Variants in SIK3 observed in about 807,000 individuals in gnomAD.
SIK3 encodes the protein serine/threonine-protein kinase SIK3.
Under a neutral mutation model 144.2 loss-of-function variants are expected in SIK3, and 28 were observed. The observed-to-expected ratio is 0.19, with a 90% CI of 0.14 to 0.27. The LOEUF is 0.27. Ranked by LOEUF, SIK3 falls within the 10% of genes least tolerant of loss-of-function variation. SIK3 has a pLI of 1.00. For missense variants in SIK3, 1,319 were observed against 1,776.0 expected (o/e 0.74, Z 4.62); for synonymous variants, 686 against 676.3 (o/e 1.01, Z -0.22).
rs143120617 is a variant in SIK3, at chr11:116,846,722, C to T, written c.3953-169G>A. On this transcript the variant is annotated intron_variant, in intron 23 of 24. Coordinates refer to ENST00000445177, the MANE Select transcript of SIK3 (RefSeq NM_001366686.3). The surrounding 1 kb of genome is among the most constrained non-coding windows in gnomAD (Gnocchi z 4.1). ...CCTCAAGGTGTTGAGTGACGATGGGCGGGGGCCAAGATTCTTCCTATATTC... is the reference window on the plus strand; with the variant it reads ...CCTCAAGGTGTTGAGTGACGATGGGTGGGGGCCAAGATTCTTCCTATATTC... 2.6e-3 allele frequency among the ~76,000 whole-genome samples: 402 copies of T among 152,232 alleles called. 5 individuals are homozygous for T. The East Asian group carries it at 0.035, about 13-fold the overall frequency.
rs138311205 is a variant in SIK3 at position 117,075,260 on chromosome 11, G to T, written c.273+22883C>A. Among the ~76,000 whole-genome samples the T allele has an allele frequency of 1.1e-3, 166 of 152,230 alleles. 3 individuals are homozygous for T. In the East Asian group the frequency reaches 0.031, roughly 28 times the overall value. Reference sequence around the variant, plus strand: ...ACTCTTCTTTAGCTTTTATGATTTTGAACCTAATAGTTCCCTAAATGGGGT... The same window carrying T: ...ACTCTTCTTTAGCTTTTATGATTTTTAACCTAATAGTTCCCTAAATGGGGT... On this transcript the variant is annotated intron_variant, in intron 1 of 24. Transcript: ENST00000445177.
chr11:116,929,798 A>G (rs1947497849), intron 3 of SIK3, among the ~76,000 whole-genome samples: 1 of 152,242 alleles, frequency 6.6e-6, no homozygotes, highest in Non-Finnish European at 1.5e-5. Context: ...GACATTTTTG[A>G]AAAGGTCCAC....
rs187690110 is a variant in SIK3, at chr11:117,050,013, G to A, written c.273+48130C>T. ...AGTATAATTATATAAGATAGCAGCC[G>A]GGCACAGTGGCTCACGCCTGTAATC... On this transcript the variant is annotated intron_variant, in intron 1 of 24. Transcript: ENST00000445177. Among the ~76,000 whole-genome samples the A allele has an allele frequency of 2.2e-4, 33 of 151,946 alleles. 1 individual carries two copies. The highest frequency in any genetic ancestry group is 1.8e-3 in the Admixed American group (27 of 15,268).
At position 117,034,412 on chromosome 11, in the gene SIK3, A is replaced by G. The variant is rs1043152167; in HGVS notation, c.273+63731T>C. Among the ~76,000 whole-genome samples, 4 of 152,228 alleles carry G rather than the reference A, an allele frequency of 2.6e-5. No homozygotes were observed. In the East Asian group the frequency reaches 5.8e-4, roughly 22 times the overall value. On this transcript the variant is annotated intron_variant, in intron 1 of 24. Coordinates refer to ENST00000445177, the MANE Select transcript of SIK3 (RefSeq NM_001366686.3). ...CTAAAGATCTCAAATTTTCTCAGTG[A>G]CATGCAAGTAAATGAAAGTAAAGAT...
chr11:116,848,274 G>A (rs1250307807), intron 22 of SIK3, among the ~76,000 whole-genome samples: 1 of 152,220 alleles, frequency 6.6e-6, no homozygotes, highest in Non-Finnish European at 1.5e-5. Context: ...GTGAACCCGG[G>A]AGGCGGAGCT....
chr11:117,046,984 CAG>C (rs1952996218), intron 1 of SIK3, among the ~76,000 whole-genome samples: 1 of 152,166 alleles, frequency 6.6e-6, no homozygotes, highest in Non-Finnish European at 1.5e-5. Context: ...AAAACTGTAA[CAG>C]AATCTTTTTT....
chr11:117,023,618 AAAAATAT>A (rs1395573875), intron 1 of SIK3, among the ~76,000 whole-genome samples: 21 of 115,862 alleles, frequency 1.8e-4, no homozygotes, highest in African/African-American at 6.7e-4. Context: ...ACAAAAAAAA[AAAAATAT>A]ATATATATAT....
chr11:116,844,463 A>T lies in SIK3; in HGVS notation c.*1180T>A, dbSNP rs1000714136. 1.3e-5 allele frequency: 2 copies of T among 150,762 alleles called. No individual in the cohort carries two copies. The highest frequency in any genetic ancestry group is 4.9e-5 in the African/African-American group (2 of 41,128). The allele number at this position is 150,762 out of a possible 1,614,324, so 9.3% of individuals were successfully genotyped here. A position where few individuals can be genotyped will look rare whatever the true frequency, so the allele number is the denominator to read the frequency against. Reference sequence around the variant, plus strand: ...ACCAAAAACAATTTCTACATGATCAAGAATTAAAATATAGGGGCTGAGGGT... The same window carrying T: ...ACCAAAAACAATTTCTACATGATCATGAATTAAAATATAGGGGCTGAGGGT... On this transcript the variant is annotated 3_prime_UTR_variant, in exon 25 of 25. Coordinates refer to ENST00000445177, the MANE Select transcript of SIK3 (RefSeq NM_001366686.3).
chr11:116,857,753 T>C (rs893583384), intron 21 of SIK3, 57 bp downstream of exon 21: 1 of 1,573,456 alleles, frequency 6.4e-7, no homozygotes, highest in Non-Finnish European at 8.6e-7. Flanking sequence ...ATAACATTAC[T>C]GAGTCAGTTG....
intron 1 of SIK3, among the ~76,000 whole-genome samples, chr11:116,985,830 A>G (rs970383046): frequency 1.3e-5 from 2 of 152,246 alleles, no homozygotes; most frequent in African/African-American, 2.4e-5. Context: ...AATAAATAGA[A>G]TAATTACAAA....
intron 4 of SIK3, chr11:116,904,670 T>C (rs1210935719): frequency 6.6e-6 from 1 of 152,238 alleles, no homozygotes; most frequent in Non-Finnish European, 1.5e-5. Flanking sequence ...ATTCTTAATG[T>C]CTCTTTTATA....
Position 116,923,246 on chromosome 11 carries a change from AC to A in SIK3, c.616+3972del, listed in dbSNP as rs566436232. ...TAACTTCTTAAAATAAAACCAAAAA[AC>A]CCTTTTTCTCTCTTGCATGTTTCTT... On this transcript the variant is annotated intron_variant, in intron 4 of 24. Coordinates refer to ENST00000445177, the MANE Select transcript of SIK3 (RefSeq NM_001366686.3). Among the ~76,000 whole-genome samples, 9 of 151,344 alleles carry A rather than the reference AC, an allele frequency of 5.9e-5. No individual in the cohort carries two copies. In the East Asian group the frequency reaches 1.7e-3, roughly 29 times the overall value.
At chr11:117,064,817 AT>A (rs1362566299) in intron 1 of SIK3, among the ~76,000 whole-genome samples, 1 of 152,180 alleles carries the variant, frequency 6.6e-6, no homozygotes, top group African/African-American at 2.4e-5. Context: ...AATTGCTAAA[AT>A]TCTCGTGTTA....
chr11:116,985,016 GA>G (rs1028500299), intron 1 of SIK3, among the ~76,000 whole-genome samples: 1 of 152,164 alleles, frequency 6.6e-6, no homozygotes, highest in Non-Finnish European at 1.5e-5. Context: ...TTCTATGTGT[GA>G]AAAGAGTCTG....
chr11:116,963,126 G>A lies in SIK3; in HGVS notation c.274-6062C>T, dbSNP rs76947921. On this transcript the variant is annotated intron_variant, in intron 1 of 24. Transcript: ENST00000445177. ...TCTCAATGCTCAAACATTGCCTTGG[G>A]AGAAAATCTCAAATAAGGTCTCAAA... is the stretch of plus-strand genomic sequence containing the variant. Among the ~76,000 whole-genome samples, 13 of 152,276 alleles carry A rather than the reference G, an allele frequency of 8.5e-5. No individual in the cohort carries two copies. The East Asian group carries it at 2.3e-3, about 27-fold the overall frequency.
In SIK3 at chr11:116,865,456, A is replaced by G. The variant is rs1022382125; in HGVS notation, c.1953-1638T>C. On this transcript the variant is annotated intron_variant, in intron 15 of 24. Transcript: ENST00000445177. Reference sequence around the variant, plus strand: ...ATTTGAGAAGCACTGATAAGTATCAATTGTGCTTGATTTTATTTTTATTTG... The same window carrying G: ...ATTTGAGAAGCACTGATAAGTATCAGTTGTGCTTGATTTTATTTTTATTTG... Among the ~76,000 whole-genome samples the G allele has an allele frequency of 1.1e-4, 16 of 152,138 alleles. 1 individual carries two copies. The highest frequency in any genetic ancestry group is 2.2e-4 in the Non-Finnish European group (15 of 68,014).
intron 1 of SIK3, among the ~76,000 whole-genome samples, chr11:117,033,596 C>A (rs1289703916): frequency 1.3e-5 from 2 of 150,408 alleles, no homozygotes; most frequent in East Asian, 3.9e-4. Flanking sequence ...GTAGTCTCAG[C>A]TACTCAGGAG....
intron 16 of SIK3, among the ~76,000 whole-genome samples, chr11:116,863,410 G>T (rs914015654): frequency 3.9e-5 from 6 of 151,980 alleles, no homozygotes; most frequent in African/African-American, 1.5e-4. Context: ...TTAATCTTTT[G>T]GGGGAGAAAG....
chr11:116,942,718 A>G (rs1417494684), intron 3 of SIK3, among the ~76,000 whole-genome samples: 1 of 152,226 alleles, frequency 6.6e-6, no homozygotes, highest in Non-Finnish European at 1.5e-5. Flanking sequence ...AAGCGGGAGC[A>G]CAGCGAAGGG....
Sources: gnomAD v4.1 joint callset for allele counts (sites outside exome capture counted in the v4.1 genomes callset) on GRCh38, gnomAD v4.1.1 for gene constraint, Gnocchi (gnomAD v3.1) non-coding constraint, MANE v1.5 for transcripts, NCBI Gene and HGNC (gene_info 2026-07-23, HGNC 2026-07-21) for gene names.